Variants in HAUS6 observed in about 807,000 individuals in gnomAD.
HAUS6 encodes HAUS augmin like complex subunit 6.
A neutral mutation model predicts 106.8 loss-of-function variants in HAUS6; 80 were observed. The ratio of observed to expected loss-of-function variants is 0.75; its 90% CI spans 0.63 to 0.90. HAUS6 has a LOEUF of 0.90. Among genes scored for constraint, HAUS6 ranks in the 40% least tolerant of loss-of-function variants. The pLI, the probability that HAUS6 is intolerant of heterozygous loss-of-function variation, is 0.00. For synonymous variants in HAUS6, 356 were observed against 379.1 expected, an observed-to-expected ratio of 0.94 and a Z score of 0.71; for missense variants, 1,155 against 1,118.1, an observed-to-expected ratio of 1.03 and a Z score of -0.47.
chr9:19,076,313 G>A lies in HAUS6; in HGVS notation c.1294+289C>T, dbSNP rs536819683. Among the ~76,000 whole-genome samples, 32 of 151,340 alleles carry A rather than the reference G, an allele frequency of 2.1e-4. 1 individual carries two copies. In the South Asian group the frequency reaches 6.3e-3, roughly 30 times the overall value. On this transcript the variant is annotated intron_variant, in intron 11 of 16. Transcript: ENST00000380502. ...AGGCTACAGTGAGCTGAGATTGTTC[G>A]ACTGCACTCCAGCTTGGGCAACAAA...
At chr9:19,078,404 G>A in intron 9 of HAUS6, 102 bp from the exon 10 acceptor site, 2 of 682,708 alleles carry the variant, frequency 2.9e-6, no homozygotes, top group Non-Finnish European at 5.1e-6. Flanking sequence ...GAAGGAAATA[G>A]AAGTGAAAGT....
intron 5 of HAUS6, among the ~76,000 whole-genome samples, chr9:19,087,846 C>CA (rs71333081): frequency 0.36 from 27,925 of 78,470 alleles, 4,735 homozygotes; most frequent in Non-Finnish European, 0.41. Context: ...GACCTTGTCT[C>CA]AAAAAAAAAA....
chr9:19,060,247 A>C, intron 14 of HAUS6, 24 bp from the exon 15 acceptor site: 1 of 1,499,090 alleles, frequency 6.7e-7, no homozygotes, highest in Non-Finnish European at 8.9e-7. Context: ...GAAAAAGTAA[A>C]GCAAAGATTA....
chr9:19,095,485 C>A (rs1817842296), intron 2 of HAUS6, among the ~76,000 whole-genome samples: 2 of 148,448 alleles, frequency 1.3e-5, no homozygotes, highest in African/African-American at 2.5e-5. Context: ...TTAAAATGAG[C>A]CATAATGTTG....
In HAUS6 at chr9:19,058,383, G is replaced by C. The variant is rs1453492706; in HGVS notation, c.2384C>G (p.Ser795Ter). Residue 795 changes from serine (S) to a stop codon, truncating the protein, a stop_gained, in exon 16 of 17, where the codon TCA becomes TGA. Transcript: ENST00000380502. LOFTEE classifies it high-confidence loss of function. ...GHLSFNSSSS[S>*]EANFKLEPNS... ...TGGCTCCAGTTTAAAATTGGCCTCT[G>C]AACTACTGGAACTATTAAAACTTAG... 1 of 1,613,866 alleles carries C rather than the reference G, an allele frequency of 6.2e-7. No individual in the cohort carries two copies. The highest frequency in any genetic ancestry group is 1.3e-5 in the African/African-American group (1 of 75,004).
chr9:19,082,808 G>C (rs1288882744), intron 8 of HAUS6, 65 bp downstream of exon 8: 2 of 813,738 alleles, frequency 2.5e-6, no homozygotes, highest in South Asian at 2.9e-5. Context: ...GAAGAACATT[G>C]CAAGAAAATA....
Position 19,102,542 on chromosome 9 carries a change from G to A in HAUS6, c.110C>T (p.Ser37Leu). The stretch of plus-strand genomic sequence containing the variant: ...TCCTTACACTCCGAGGTGCGTGTGC[G>A]ACACGATCTTTCCGCAGGCAATGGT... ...PATIACGKIV[S>L]HTHLGVNMFD... The change falls in exon 1 of 17, where the codon TCG becomes TTG. Residue 37 changes from serine to leucine, a missense_variant. By Grantham distance (145) the Ser-to-Leu change is moderately radical. Around this residue, in one of 3 missense-constraint regions of HAUS6, gnomAD observed 761 missense variants for 690.0 expected, o/e 1.10. Coordinates refer to ENST00000380502, the MANE Select transcript of HAUS6 (RefSeq NM_017645.5). 1 of 1,613,690 alleles carries A rather than the reference G, an allele frequency of 6.2e-7. No homozygotes were observed. Among genetic ancestry groups the A allele is most frequent in the Non-Finnish European group, 8.5e-7 (1 of 1,179,804 alleles).
intron 15 of HAUS6, among the ~76,000 whole-genome samples, chr9:19,059,432 T>C (rs1028071255): frequency 1.3e-5 from 2 of 152,240 alleles, no homozygotes; most frequent in African/African-American, 4.8e-5. Context: ...CAAATGAATA[T>C]GCTTATGTTC....
At chr9:19,065,822 C>G (rs1256834626) in intron 12 of HAUS6, among the ~76,000 whole-genome samples, 1 of 152,062 alleles carries the variant, frequency 6.6e-6, no homozygotes, top group Non-Finnish European at 1.5e-5. Context: ...GCCTGGGCAA[C>G]AGGAACGAAA....
intron 9 of HAUS6, among the ~76,000 whole-genome samples, chr9:19,078,556 G>A (rs1272080231): frequency 1.3e-5 from 2 of 152,136 alleles, no homozygotes; most frequent in African/African-American, 4.8e-5. Flanking sequence ...GGGAGGCCAA[G>A]GCAGGTGGAT....
chr9:19,102,895 C>T lies in HAUS6; in HGVS notation c.-244G>A. ...CGAAGCCACCACAAACCGAGACTCCCGCCCTTAAGGAAGAGCAGTGTGCGC... is the reference window on the plus strand; with the variant it reads ...CGAAGCCACCACAAACCGAGACTCCTGCCCTTAAGGAAGAGCAGTGTGCGC... On this transcript the variant is annotated 5_prime_UTR_variant, in exon 1 of 17. Coordinates refer to ENST00000380502, the MANE Select transcript of HAUS6 (RefSeq NM_017645.5). 1 of 377,962 alleles carries T rather than the reference C, an allele frequency of 2.6e-6. No homozygotes were observed. Among genetic ancestry groups the T allele is most frequent in the South Asian group, 4.5e-5 (1 of 22,206 alleles). The allele number at this position is 377,962 out of a possible 1,614,324, so 23.4% of individuals were successfully genotyped here.
rs185189514 is a variant in HAUS6, at chr9:19,053,664, A to G, written c.*2679T>C. 8 of 152,308 alleles carry G rather than the reference A, an allele frequency of 5.3e-5. No individual in the cohort carries two copies. The highest frequency in any genetic ancestry group is 8.8e-5 in the Non-Finnish European group (6 of 67,998). The allele number at this position is 152,308 out of a possible 1,614,324, so 9.4% of individuals were successfully genotyped here. On this transcript the variant is annotated 3_prime_UTR_variant, in exon 17 of 17. Coordinates refer to ENST00000380502, the MANE Select transcript of HAUS6 (RefSeq NM_017645.5). ...CAAGCTGATGTATGTCAGTTTATAT[A>G]CCTTTGTATCTTACAAATAGTAAAA...
At chr9:19,080,409 C>G (rs1229867506) in intron 9 of HAUS6, 70 bp downstream of exon 9, 2 of 943,712 alleles carry the variant, frequency 2.1e-6, no homozygotes, top group Non-Finnish European at 3.4e-6. Context: ...AGCTATTAAA[C>G]TTATACAAGT....
chr9:19,085,814 G>C (rs1220178089), intron 7 of HAUS6, among the ~76,000 whole-genome samples: 1 of 151,978 alleles, frequency 6.6e-6, no homozygotes, highest in Non-Finnish European at 1.5e-5. Flanking sequence ...CCACTGACTA[G>C]GTTATACTAC....
At chr9:19,094,108 T>C (rs765292926) in intron 3 of HAUS6, among the ~76,000 whole-genome samples, 2 of 152,204 alleles carry the variant, frequency 1.3e-5, no homozygotes, top group Non-Finnish European at 2.9e-5. Flanking sequence ...TAAAGCCTAT[T>C]TTCAGTACAC....
At chr9:19,075,393 T>A (rs1252675264) in intron 11 of HAUS6, among the ~76,000 whole-genome samples, 1 of 152,228 alleles carries the variant, frequency 6.6e-6, no homozygotes, top group African/African-American at 2.4e-5. Flanking sequence ...GTGAATTATA[T>A]CTCAACAAAT....
intron 7 of HAUS6, 35 bp from the exon 8 acceptor site, chr9:19,083,078 CAT>C (rs748275471): frequency 4.8e-5 from 65 of 1,363,944 alleles, no homozygotes; most frequent in Non-Finnish European, 6.3e-5. Flanking sequence ...AAAGTCCACA[CAT>C]AATCTGTACA....
chr9:19,067,956 A>C (rs1235672224), intron 12 of HAUS6, among the ~76,000 whole-genome samples: 1 of 151,934 alleles, frequency 6.6e-6, no homozygotes, highest in Non-Finnish European at 1.5e-5. Flanking sequence ...AGCCTCCTAA[A>C]GTGCTGGGAT....
At position 19,054,688 on chromosome 9, in the gene HAUS6, C is replaced by G. The variant is rs377416446; in HGVS notation, c.*1655G>C. 2.0e-5 allele frequency: 3 copies of G among 152,102 alleles called. No homozygotes were observed. The highest frequency in any genetic ancestry group is 7.2e-5 in the African/African-American group (3 of 41,442). 9.4% of individuals were successfully genotyped at this position (152,102 alleles called of 1,614,324 possible). ...CTCTACCCAAGTATATATGCAACAA[C>G]GTACCTGCTTCTTAAAAGTACCACA... On this transcript the variant is annotated 3_prime_UTR_variant, in exon 17 of 17. Transcript: ENST00000380502.
Sources: gnomAD v4.1 joint callset for allele counts (sites outside exome capture counted in the v4.1 genomes callset) on GRCh38, gnomAD v4.1.1 for gene constraint, gnomAD v4.1.1 regional missense constraint, MANE v1.5 for transcripts, NCBI Gene and HGNC (gene_info 2026-07-23, HGNC 2026-07-21) for gene names.